The following HPS5 variants were observed in gnomAD, a reference collection of about 807,000 sequenced individuals.
HPS5 encodes HPS5 biogenesis of lysosomal organelles complex 2 subunit 2, also known as BLOC-2 complex member HPS5.
HPS5 carries 83 observed loss-of-function variants against 128.0 expected under a neutral mutation model. The ratio of observed to expected loss-of-function variants is 0.65; its 90% CI spans 0.54 to 0.78. The LOEUF is 0.78. Among genes scored for constraint, HPS5 ranks in the 30% least tolerant of loss-of-function variants. The pLI is 0.00. For synonymous variants in HPS5, 475 were observed against 470.2 expected, an observed-to-expected ratio of 1.01 and a Z score of -0.13; for missense variants, 1,281 against 1,326.2, an observed-to-expected ratio of 0.97 and a Z score of 0.53.
At chr11:18,305,112 T>C (rs933724740) in intron 8 of HPS5, among the ~76,000 whole-genome samples, 2 of 152,260 alleles carry the variant, frequency 1.3e-5, no homozygotes, top group African/African-American at 4.8e-5. Flanking sequence ...GATCTGGGAC[T>C]TGCTTTCATT....
intron 5 of HPS5, among the ~76,000 whole-genome samples, chr11:18,309,738 T>A (rs946308665): frequency 1.3e-5 from 2 of 152,182 alleles, no homozygotes. Context: ...CAGTGGCTCA[T>A]GTCTGTAATC....
rs1203215375 is a variant in HPS5 at position 18,279,027 on chromosome 11, TTAAA to T, written c.*851_*854del. 4 of 152,246 alleles carry T rather than the reference TTAAA, an allele frequency of 2.6e-5. No individual in the cohort carries two copies. The highest frequency in any genetic ancestry group is 6.5e-5 in the Admixed American group (1 of 15,278). 9.4% of individuals were successfully genotyped at this position (152,246 alleles called of 1,614,324 possible). A position where few individuals can be genotyped will look rare whatever the true frequency, so the allele number is the denominator to read the frequency against. The stretch of plus-strand genomic sequence containing the variant: ...GTATATGGGTTCAGATTAGAAAATA[TTAAA>T]TAAATACAGGGAAAAATATTTTTAA... On this transcript the variant is annotated 3_prime_UTR_variant, in exon 23 of 23. Coordinates refer to ENST00000349215, the MANE Select transcript of HPS5 (RefSeq NM_181507.2).
At chr11:18,307,841 T>C (rs936521599) in intron 6 of HPS5, among the ~76,000 whole-genome samples, 31 of 152,078 alleles carry the variant, frequency 2.0e-4, no homozygotes, top group African/African-American at 6.5e-4. Flanking sequence ...ATATTACACA[T>C]GTCCCCAAAA....
chr11:18,317,107 C>T (rs1349331189), intron 2 of HPS5, among the ~76,000 whole-genome samples: 2 of 151,396 alleles, frequency 1.3e-5, no homozygotes, highest in African/African-American at 2.4e-5. Context: ...GGCAGGAAAA[C>T]GGTGTGAACC....
chr11:18,307,363 T>C (rs1327774911), intron 6 of HPS5, among the ~76,000 whole-genome samples: 1 of 152,212 alleles, frequency 6.6e-6, no homozygotes, highest in Non-Finnish European at 1.5e-5. Flanking sequence ...TTTGCTTTAC[T>C]TTAAGAACAT....
Position 18,287,885 on chromosome 11 carries a change from C to T in HPS5, c.2561+8G>A, listed in dbSNP as rs1350867010. On this transcript the variant is annotated splice_region_variant and intron_variant, in intron 17 of 22. Transcript: ENST00000349215. The stretch of plus-strand genomic sequence containing the variant: ...TAGCTCATATAAACAATATACAGGA[C>T]AACTTACCGGGTAGCATAAACAACC... 7.4e-6 allele frequency: 12 copies of T among 1,613,808 alleles called. No homozygotes were observed. The highest frequency in any genetic ancestry group is 1.0e-5 in the Non-Finnish European group (12 of 1,180,000).
intron 8 of HPS5, among the ~76,000 whole-genome samples, chr11:18,303,466 A>G (rs1411751250): frequency 6.6e-6 from 1 of 151,832 alleles, no homozygotes; most frequent in African/African-American, 2.4e-5. Flanking sequence ...AGGAATAGGC[A>G]GAGCCAGATC....
At position 18,312,511 on chromosome 11, in the gene HPS5, C is replaced by G. The variant is rs149780886; in HGVS notation, c.109-487G>C. ...GCAGTGGTCATGCCGTGCCCAATAC[C>G]CCGTGGTAAAAGTTATTAGTTGATT... is the stretch of plus-strand genomic sequence containing the variant. On this transcript the variant is annotated intron_variant, in intron 2 of 22. Transcript: ENST00000349215. Among the ~76,000 whole-genome samples the G allele has an allele frequency of 4.1e-4, 63 of 152,280 alleles. 1 individual carries two copies. Among genetic ancestry groups the G allele is most frequent in the African/African-American group, 1.3e-3 (53 of 41,554 alleles).
rs139124122 is a variant in HPS5 at position 18,298,876 on chromosome 11, A to G, written c.1080T>C (p.Cys360=). 137 of 1,614,110 alleles carry G rather than the reference A, an allele frequency of 8.5e-5. 1 individual carries two copies. The highest frequency in any genetic ancestry group is 4.3e-4 in the South Asian group (39 of 91,092). ...GGCCTCTTCTTAGCAGGCGTTCCAC[A>G]CAGCGCTCCACAGATATCAGGGAGA... ...SHLSLISVER[C]VERLLRRGLW... is the part of the protein sequence containing the mutation. The change falls in exon 10 of 23, where the codon TGT becomes TGC. Residue 360 remains cysteine (C), a synonymous_variant. Transcript: ENST00000349215.
At chr11:18,291,037 G>A (rs553602180) in intron 16 of HPS5, among the ~76,000 whole-genome samples, 5 of 152,292 alleles carry the variant, frequency 3.3e-5, no homozygotes, top group African/African-American at 1.2e-4. Flanking sequence ...TGGCCGACAT[G>A]GCAAAACCCT....
At chr11:18,282,276 C>G in intron 21 of HPS5, 56 bp from the exon 22 acceptor site, 1 of 1,594,356 alleles carries the variant, frequency 6.3e-7, no homozygotes, top group South Asian at 1.1e-5. Context: ...TGACTGGATA[C>G]AGGAGATGGT....
At chr11:18,303,710 A>T (rs1862002986) in intron 8 of HPS5, among the ~76,000 whole-genome samples, 2 of 152,088 alleles carry the variant, frequency 1.3e-5, no homozygotes, top group Non-Finnish European at 2.9e-5. Context: ...AAAATTAGCC[A>T]GGCGTGGTGG....
At chr11:18,318,293 C>A (rs1367899296) in intron 1 of HPS5, among the ~76,000 whole-genome samples, 1 of 152,188 alleles carries the variant, frequency 6.6e-6, no homozygotes, top group African/African-American at 2.4e-5. Flanking sequence ...CATTAAAACG[C>A]AATCTTCTGT....
intron 9 of HPS5, among the ~76,000 whole-genome samples, chr11:18,300,277 CAATT>C (rs779928343): frequency 6.6e-5 from 10 of 151,714 alleles, no homozygotes; most frequent in African/African-American, 9.7e-5. Context: ...TATTATGTGT[CAATT>C]AAAAAATAAA....
chr11:18,315,543 G>C (rs148754153), intron 2 of HPS5, among the ~76,000 whole-genome samples: 19 of 152,062 alleles, frequency 1.2e-4, no homozygotes, highest in African/African-American at 4.3e-4. Flanking sequence ...AACCCAGGAA[G>C]TGGAGGTTGC....
In HPS5 at chr11:18,317,739, C is replaced by T; in HGVS notation, c.108+12G>A. ...GTGAAAATGAAACTGATACAAGGAT[C>T]AAGAAATTCACCTTTAGACGACTGG... On this transcript the variant is annotated intron_variant, in intron 2 of 22. Coordinates refer to ENST00000349215, the MANE Select transcript of HPS5 (RefSeq NM_181507.2). The T allele has an allele frequency of 3.7e-6, 6 of 1,612,168 alleles. No homozygotes were observed. The highest frequency in any genetic ancestry group is 4.2e-6 in the Non-Finnish European group (5 of 1,179,064).
At chr11:18,318,004 TC>T in intron 1 of HPS5, 97 bp from the exon 2 acceptor site, 3 of 873,058 alleles carry the variant, frequency 3.4e-6, no homozygotes, top group Non-Finnish European at 3.6e-6. Context: ...CATGAGAAAG[TC>T]CCCACTATAC....
chr11:18,291,718 G>C lies in HPS5; in HGVS notation c.2164C>G (p.Gln722Glu). 6.2e-7 allele frequency: 1 copy of C among 1,614,202 alleles called. No individual in the cohort carries two copies. Among genetic ancestry groups the C allele is most frequent in the Middle Eastern group, 1.6e-4 (1 of 6,062 alleles). ...GCAATGGCGCATGGAGAACATATTT[G>C]AAACAGGTCATCCAAAGACTCCCTT... ...SPRESLDDLFQICSPCAIASG... is the reference protein window; with the variant it reads ...SPRESLDDLFEICSPCAIASG... The change falls in exon 16 of 23, where the codon CAA becomes GAA. Residue 722 changes from glutamine to glutamate, a missense_variant. Coordinates refer to ENST00000349215, the MANE Select transcript of HPS5 (RefSeq NM_181507.2).
intron 5 of HPS5, 55 bp downstream of exon 5, chr11:18,310,686 A>AT (rs1564974609): frequency 7.4e-7 from 1 of 1,359,424 alleles, no homozygotes; most frequent in East Asian, 2.3e-5. Context: ...TGGAAGTTTT[A>AT]TAAGACAACA....
Sources: gnomAD v4.1 joint callset for allele counts (sites outside exome capture counted in the v4.1 genomes callset) on GRCh38, gnomAD v4.1.1 for gene constraint, MANE v1.5 for transcripts, NCBI Gene and HGNC (gene_info 2026-07-23, HGNC 2026-07-21) for gene names.